Variants in CHD1 observed in about 807,000 individuals in gnomAD.
The protein encoded by CHD1 is ATP-dependent chromatin remodeler CHD1.
A neutral mutation model predicts 224.2 loss-of-function variants in CHD1; 36 were observed. The observed-to-expected ratio is 0.16, with a 90% CI of 0.12 to 0.21. The LOEUF (loss-of-function observed/expected upper bound fraction) is 0.21, where lower values mean the gene tolerates loss of function less well. CHD1 is among the 10% of genes least tolerant of loss of function. The pLI, the probability that CHD1 is intolerant of heterozygous loss-of-function variation, is 1.00. For missense variants in CHD1, 1,378 were observed against 1,994.8 expected, an observed-to-expected ratio of 0.69 and a Z score of 5.89; for synonymous variants, 668 against 658.3, an observed-to-expected ratio of 1.01 and a Z score of -0.23.
intron 32 of CHD1, 152 bp from the exon 33 acceptor site, chr5:98,860,220 T>G (rs1384482071): frequency 1.6e-6 from 1 of 640,678 alleles, no homozygotes; most frequent in African/African-American, 1.8e-5. Flanking sequence ...TTCCTATGCA[T>G]TTTTTCAAAA....
At chr5:98,903,739 C>T (rs1033518242) in intron 4 of CHD1, 53 bp downstream of exon 4, 9 of 1,185,498 alleles carry the variant, frequency 7.6e-6, no homozygotes, top group Non-Finnish European at 1.1e-5. Context: ...TACTAGTTAA[C>T]TGATTCAGCA....
chr5:98,911,880 G>C (rs1580505188), intron 2 of CHD1, among the ~76,000 whole-genome samples: 2 of 152,166 alleles, frequency 1.3e-5, no homozygotes, highest in South Asian at 2.1e-4. Context: ...ACAGTCAAAT[G>C]CAATATGTAA....
At chr5:98,899,143 T>C (rs1014363742) in intron 8 of CHD1, among the ~76,000 whole-genome samples, 2 of 152,152 alleles carry the variant, frequency 1.3e-5, no homozygotes, top group African/African-American at 4.8e-5. Context: ...GTACCTAAAA[T>C]ATAACCCACA....
chr5:98,879,841 C>G, intron 22 of CHD1, 113 bp from the exon 23 acceptor site: 1 of 633,526 alleles, frequency 1.6e-6, no homozygotes, highest in Non-Finnish European at 2.7e-6. Context: ...TGGCTGTGGA[C>G]TAAACCAAAT....
chr5:98,909,080 T>A (rs932846211), intron 2 of CHD1, among the ~76,000 whole-genome samples: 8 of 152,152 alleles, frequency 5.3e-5, no homozygotes, highest in African/African-American at 9.7e-5. Flanking sequence ...AAGAAACTAT[T>A]TGTAAACATT....
intron 7 of CHD1, 26 bp from the exon 8 acceptor site, chr5:98,899,731 C>T: frequency 6.7e-7 from 1 of 1,492,938 alleles, no homozygotes; most frequent in Non-Finnish European, 9.3e-7. Context: ...CAAGATCCTT[C>T]CATGTAATTA....
intron 10 of CHD1, 45 bp from the exon 11 acceptor site, chr5:98,897,365 G>T: frequency 7.6e-7 from 1 of 1,320,602 alleles, no homozygotes; most frequent in South Asian, 1.4e-5. Flanking sequence ...TTAAATATAA[G>T]AAATTATACT....
chr5:98,887,127 A>C (rs1220324652), intron 17 of CHD1, among the ~76,000 whole-genome samples: 1 of 152,156 alleles, frequency 6.6e-6, no homozygotes, highest in African/African-American at 2.4e-5. Flanking sequence ...GTATACTTTA[A>C]ATGAGTAAAC....
At chr5:98,882,365 T>C (rs1750254098) in intron 19 of CHD1, among the ~76,000 whole-genome samples, 1 of 149,982 alleles carries the variant, frequency 6.7e-6, no homozygotes, top group Admixed American at 6.7e-5. Flanking sequence ...ATTTGCTTAT[T>C]TTTTTTTAAA....
Position 98,894,666 on chromosome 5 carries a change from C to A in CHD1, c.1731G>T (p.Thr577=), listed in dbSNP as rs148360350. ...ATTTTAACCGTTTGGTCTGATGATG[C>A]GTCCATTCATGAGTTCTTATCTATT... The part of the protein sequence containing the change: ...SRNMIRTHEW[T]HHQTKRLKFN... The change falls in exon 13 of 36, where the codon ACG becomes ACT. Residue 577 remains threonine, a synonymous_variant. Transcript: ENST00000614616. 3.4e-6 allele frequency: 5 copies of A among 1,485,132 alleles called. No homozygotes were observed. In the Admixed American group the frequency reaches 7.5e-5, roughly 22 times the overall value. The allele number at this position is 1,485,132 out of a possible 1,614,324, so 92.0% of individuals were successfully genotyped here.
Position 98,856,711 on chromosome 5 carries a change from C to G in CHD1, c.4802G>C (p.Arg1601Thr). 6.2e-7 allele frequency: 1 copy of G among 1,602,952 alleles called. No homozygotes were observed. Among genetic ancestry groups the G allele is most frequent in the Non-Finnish European group, 8.5e-7 (1 of 1,170,784 alleles). The part of the protein sequence containing the change: ...YKQDSRYYSD[R>T]EKHRKLDDHR... ...ATCATCCAGTTTTCTGTGTTTCTCTCTGTCACTGTAATATCTAATAAAGAA... is the reference window on the plus strand; with the variant it reads ...ATCATCCAGTTTTCTGTGTTTCTCTGTGTCACTGTAATATCTAATAAAGAA... Residue 1601 changes from arginine (R) to threonine (T), a missense_variant, in exon 36 of 36, where the codon AGA becomes ACA. By Grantham distance (71) the Arg-to-Thr change is moderately conservative. Coordinates refer to ENST00000614616, the MANE Select transcript of CHD1 (RefSeq NM_001270.4).
chr5:98,856,145 A>C lies in CHD1; in HGVS notation c.*235T>G. The C allele has an allele frequency of 2.8e-6, 1 of 355,000 alleles. No homozygotes were observed. Among genetic ancestry groups the C allele is most frequent in the East Asian group, 4.5e-5 (1 of 22,346 alleles). The allele number at this position is 355,000 out of a possible 1,614,324, so 22.0% of individuals were successfully genotyped here. A position where few individuals can be genotyped will look rare whatever the true frequency, so the allele number is the denominator to read the frequency against. ...TAGTAAACATTTTCCATTTCTTTAA[A>C]AAAGAAAACAAAAAAAAGTACTACA... On this transcript the variant is annotated 3_prime_UTR_variant, in exon 36 of 36. Transcript: ENST00000614616.
At position 98,893,532 on chromosome 5, in the gene CHD1, A is replaced by G. The variant is rs1362065795; in HGVS notation, c.1875T>C (p.Leu625=). Residue 625 remains leucine, a synonymous_variant, in exon 14 of 36, where the codon CTT becomes CTC. Transcript: ENST00000614616. ...TAAAATCTATTAAAGTTTTATACAG[A>G]AGGGAGTCATCATTCTTTAATCGGT... ...EAHRLKNDDS[L]LYKTLIDFKS... 1 of 1,611,258 alleles carries G rather than the reference A, an allele frequency of 6.2e-7. No individual in the cohort carries two copies. The highest frequency in any genetic ancestry group is 1.1e-5 in the South Asian group (1 of 90,746).
chr5:98,877,447 T>C (rs1256722617), intron 23 of CHD1, among the ~76,000 whole-genome samples: 1 of 152,248 alleles, frequency 6.6e-6, no homozygotes, highest in African/African-American at 2.4e-5. Context: ...TTTTCCGTTC[T>C]GCTTAATATC....
At chr5:98,875,726 T>G (rs565165632) in intron 24 of CHD1, among the ~76,000 whole-genome samples, 1 of 152,252 alleles carries the variant, frequency 6.6e-6, no homozygotes, top group East Asian at 1.9e-4. Context: ...AAGGAAGAAT[T>G]TTGTCAGGTC....
At chr5:98,922,412 T>C (rs766619315) in intron 2 of CHD1, among the ~76,000 whole-genome samples, 1 of 152,206 alleles carries the variant, frequency 6.6e-6, no homozygotes, top group Non-Finnish European at 1.5e-5. Flanking sequence ...GACATATTTT[T>C]CCTGTGTATT....
At chr5:98,878,289 G>C (rs1311001630) in intron 23 of CHD1, among the ~76,000 whole-genome samples, 1 of 152,214 alleles carries the variant, frequency 6.6e-6, no homozygotes, top group Admixed American at 6.5e-5. Flanking sequence ...AGGAAGCCTT[G>C]CCAGACCTTT....
At chr5:98,896,788 G>T (rs1056413060) in intron 11 of CHD1, among the ~76,000 whole-genome samples, 4 of 10,116 alleles carry the variant, frequency 4.0e-4, no homozygotes, top group African/African-American at 1.4e-3. Flanking sequence ...GAAGAACACA[G>T]ATTAAAAAAA....
In CHD1 at chr5:98,856,820, A is replaced by G; in HGVS notation, c.4788-95T>C. On this transcript the variant is annotated intron_variant, in intron 35 of 35. Transcript: ENST00000614616. ...AAAAAACATAAAAATACCTTAAAACATGTTTTTAATTGTATAGAAATTCAG... is the reference window on the plus strand; with the variant it reads ...AAAAAACATAAAAATACCTTAAAACGTGTTTTTAATTGTATAGAAATTCAG... 4.9e-6 allele frequency: 4 copies of G among 809,078 alleles called. No homozygotes were observed. The South Asian group carries it at 5.7e-5, about 12-fold the overall frequency. 50.1% of individuals were successfully genotyped at this position (809,078 alleles called of 1,614,324 possible).
Sources: gnomAD v4.1 joint callset for allele counts (sites outside exome capture counted in the v4.1 genomes callset) on GRCh38, gnomAD v4.1.1 for gene constraint, MANE v1.5 for transcripts, NCBI Gene and HGNC (gene_info 2026-07-23, HGNC 2026-07-21) for gene names.